The following TTLL11 variants were observed in gnomAD, a reference collection of about 807,000 sequenced individuals.
TTLL11 encodes tubulin tyrosine ligase like 11.
A neutral mutation model predicts 51.7 loss-of-function variants in TTLL11; 42 were observed. That is an observed-to-expected ratio of 0.81 (90% CI 0.64 to 1.05). TTLL11 has a LOEUF of 1.05. Ranked by LOEUF, TTLL11 falls within the 50% of genes least tolerant of loss-of-function variation. The pLI is 0.00. For missense variants in TTLL11, 799 were observed against 940.4 expected (o/e 0.85, Z 1.97); for synonymous variants, 381 against 383.5 (o/e 0.99, Z 0.08).
intron 3 of TTLL11, among the ~76,000 whole-genome samples, chr9:122,026,929 A>T (rs868470397): frequency 0.046 from 6,564 of 143,414 alleles, 177 homozygotes; most frequent in African/African-American, 0.08. Flanking sequence ...AAAAAAAAAA[A>T]AACTAGCCAG....
At chr9:121,889,926 T>C (rs1288574565) in intron 6 of TTLL11, among the ~76,000 whole-genome samples, 1 of 83,040 alleles carries the variant, frequency 1.2e-5, no homozygotes, top group South Asian at 4.4e-4. Context: ...GAGGTGAGGC[T>C]GGGGAGGAAA....
intron 6 of TTLL11, among the ~76,000 whole-genome samples, chr9:121,948,238 G>T (rs892967273): frequency 1.3e-5 from 2 of 152,140 alleles, no homozygotes; most frequent in Non-Finnish European, 2.9e-5. Context: ...TGGCAGGCAG[G>T]ACCAGAACCA....
intron 2 of TTLL11, among the ~76,000 whole-genome samples, chr9:122,036,603 T>C (rs1844711695): frequency 6.6e-6 from 1 of 152,144 alleles, no homozygotes; most frequent in South Asian, 2.1e-4. Context: ...AAATCTAATG[T>C]GCTGACACAA....
intron 7 of TTLL11, among the ~76,000 whole-genome samples, chr9:121,866,377 C>T (rs555094010): frequency 4.9e-4 from 75 of 152,096 alleles, no homozygotes; most frequent in Middle Eastern, 6.8e-3. Context: ...AAGAAAAATC[C>T]GGCCGGGTGC....
At chr9:122,039,095 T>C (rs532297338) in intron 2 of TTLL11, among the ~76,000 whole-genome samples, 177 bp downstream of exon 2, 47 of 152,340 alleles carry the variant, frequency 3.1e-4, no homozygotes, top group Admixed American at 7.8e-4. Flanking sequence ...AGCCTGCCTT[T>C]GAACCTTTAA....
chr9:121,855,764 T>A (rs1016676942), intron 8 of TTLL11, among the ~76,000 whole-genome samples: 2 of 152,204 alleles, frequency 1.3e-5, no homozygotes, highest in African/African-American at 4.8e-5. Flanking sequence ...TGTCTGCTCA[T>A]CAAACATTAA....
intron 6 of TTLL11, among the ~76,000 whole-genome samples, chr9:121,931,576 C>T (rs995107699): frequency 4.5e-4 from 43 of 94,614 alleles, no homozygotes; most frequent in Non-Finnish European, 6.1e-4. Flanking sequence ...AACCCTGTTT[C>T]TACTATTTAA....
At chr9:121,993,079 C>T (rs1041791860) in intron 3 of TTLL11, among the ~76,000 whole-genome samples, 1 of 144,980 alleles carries the variant, frequency 6.9e-6, no homozygotes, top group African/African-American at 2.5e-5. Context: ...CTAGAGCAGT[C>T]AAATTCATAG....
At chr9:122,030,572 C>G (rs995046224) in intron 3 of TTLL11, among the ~76,000 whole-genome samples, 1 of 152,090 alleles carries the variant, frequency 6.6e-6, no homozygotes, top group Non-Finnish European at 1.5e-5. Context: ...GTTTCCTCAT[C>G]CATAAAATGG....
In TTLL11 at chr9:121,817,949, C is replaced by T. The variant is rs919638052; in HGVS notation, c.*4638G>A. On this transcript the variant is annotated 3_prime_UTR_variant, in exon 9 of 9. Coordinates refer to ENST00000321582, the MANE Select transcript of TTLL11 (RefSeq NM_001139442.2). Reference sequence around the variant, plus strand: ...AGGATTGAGCATGTGCTGATAAAATCATGCAGGAAAGGGCCTGGGGTCTAG... The same window carrying T: ...AGGATTGAGCATGTGCTGATAAAATTATGCAGGAAAGGGCCTGGGGTCTAG... 6.6e-6 allele frequency: 1 copy of T among 152,294 alleles called. No homozygotes were observed. The highest frequency in any genetic ancestry group is 2.4e-5 in the African/African-American group (1 of 41,458). The allele number at this position is 152,294 out of a possible 1,614,324, so 9.4% of individuals were successfully genotyped here. A position where few individuals can be genotyped will look rare whatever the true frequency, so the allele number is the denominator to read the frequency against.
At chr9:121,891,323 T>C (rs970071464) in intron 6 of TTLL11, among the ~76,000 whole-genome samples, 6 of 152,244 alleles carry the variant, frequency 3.9e-5, no homozygotes, top group Non-Finnish European at 7.4e-5. Flanking sequence ...TCCTGCAGGG[T>C]TGCCCGAGGA....
intron 6 of TTLL11, among the ~76,000 whole-genome samples, chr9:121,969,684 T>C (rs1842503191): frequency 6.6e-6 from 1 of 152,090 alleles, no homozygotes; most frequent in Admixed American, 6.5e-5. Flanking sequence ...ATTCCATTTG[T>C]TTTTTTCAAA....
At chr9:121,947,627 C>A (rs1487710841) in intron 6 of TTLL11, among the ~76,000 whole-genome samples, 1 of 151,936 alleles carries the variant, frequency 6.6e-6, no homozygotes, top group Non-Finnish European at 1.5e-5. Context: ...GGAAGTGCTC[C>A]CTATCTCAGC....
intron 8 of TTLL11, among the ~76,000 whole-genome samples, chr9:121,850,527 A>G (rs1837636620): frequency 6.6e-6 from 1 of 152,040 alleles, no homozygotes; most frequent in Non-Finnish European, 1.5e-5. Flanking sequence ...TCCCAGCTCC[A>G]TGAGGGAGCA....
intron 8 of TTLL11, among the ~76,000 whole-genome samples, chr9:121,825,751 T>C (rs1315876364): frequency 6.6e-6 from 1 of 152,024 alleles, no homozygotes; most frequent in Non-Finnish European, 1.5e-5. Flanking sequence ...TCACTGCACC[T>C]CTTTACTCAA....
chr9:122,069,418 C>T (rs771955917), intron 1 of TTLL11, among the ~76,000 whole-genome samples: 2 of 152,216 alleles, frequency 1.3e-5, no homozygotes, highest in Admixed American at 6.5e-5. Context: ...CATGGTGGCT[C>T]ACGCCTGTAA....
At chr9:121,910,678 G>A (rs1840084139) in intron 6 of TTLL11, among the ~76,000 whole-genome samples, 1 of 152,092 alleles carries the variant, frequency 6.6e-6, no homozygotes, top group Admixed American at 6.6e-5. Context: ...AGGAAAACAT[G>A]TCTCTTTTTT....
chr9:122,085,597 A>G (rs1352815424), intron 1 of TTLL11, among the ~76,000 whole-genome samples: 2 of 152,198 alleles, frequency 1.3e-5, no homozygotes, highest in East Asian at 3.8e-4. Context: ...AACCAATAAC[A>G]TACATATATG....
Position 122,039,290 on chromosome 9 carries a change from G to T in TTLL11, c.541C>A (p.Gln181Lys). The T allele has an allele frequency of 6.2e-7, 1 of 1,613,894 alleles. No homozygotes were observed. The highest frequency in any genetic ancestry group is 1.1e-5 in the South Asian group (1 of 91,024). ...SFHDNDIFSG[Q>K]VNKFPGMTEM... ...CAGATACCTGGAAACTTGTTCACTT[G>T]ACCGGAGAATATGTCATTGTCGTGA... is the stretch of plus-strand genomic sequence containing the variant. Residue 181 changes from glutamine to lysine, a missense_variant, in exon 2 of 9, where the codon CAA (glutamine) becomes AAA (lysine). Gln to Lys is a moderately conservative substitution (Grantham distance 53). This residue lies in a region of TTLL11 where 468 missense variants were observed against 612.8 expected (regional missense o/e 0.76). Transcript: ENST00000321582.
Sources: allele counts gnomAD v4.1 joint callset (sites outside exome capture counted in the v4.1 genomes callset), GRCh38; gene constraint gnomAD v4.1.1; regional missense constraint gnomAD v4.1.1; transcripts MANE v1.5; gene names NCBI Gene and HGNC (gene_info 2026-07-23, HGNC 2026-07-21).